LRCH1: variants seen among roughly 807,000 people sequenced by gnomAD.
LRCH1 encodes leucine-rich repeat and calponin homology domain-containing protein 1.
LRCH1 carries 23 observed loss-of-function variants against 94.9 expected under a neutral mutation model. The observed-to-expected ratio is 0.24, with a 90% CI of 0.17 to 0.34. The LOEUF (loss-of-function observed/expected upper bound fraction) is 0.34, where lower values mean the gene tolerates loss of function less well. Among genes scored for constraint, LRCH1 ranks in the 10% least tolerant of loss-of-function variants. LRCH1 has a pLI of 1.00. For synonymous variants in LRCH1, 364 were observed against 354.9 expected, an observed-to-expected ratio of 1.03 and a Z score of -0.29; for missense variants, 790 against 945.9, an observed-to-expected ratio of 0.84 and a Z score of 2.16.
At chr13:46,647,112 CA>C (rs61648661) in intron 1 of LRCH1, among the ~76,000 whole-genome samples, 16,835 of 84,378 alleles carry the variant, frequency 0.2, 807 homozygotes, top group Middle Eastern at 0.24. Flanking sequence ...GACTCCAACT[CA>C]AAAAAAAAAA....
chr13:46,625,908 C>T (rs924163610), intron 1 of LRCH1, among the ~76,000 whole-genome samples: 10 of 152,162 alleles, frequency 6.6e-5, no homozygotes, highest in African/African-American at 2.4e-4. Context: ...CCACCTCAGC[C>T]TCCCAAATTG....
intron 1 of LRCH1, among the ~76,000 whole-genome samples, chr13:46,562,932 G>T (rs1261120701): frequency 2.0e-5 from 3 of 152,110 alleles, no homozygotes; most frequent in African/African-American, 7.2e-5. Flanking sequence ...CGGCTCATCT[G>T]GACCCCTCCT....
intron 1 of LRCH1, among the ~76,000 whole-genome samples, chr13:46,631,023 C>T (rs1380088588): frequency 6.6e-6 from 1 of 152,176 alleles, no homozygotes; most frequent in East Asian, 1.9e-4. Flanking sequence ...ACCCTCCCCA[C>T]CCCTTCCTGT....
intron 1 of LRCH1, among the ~76,000 whole-genome samples, chr13:46,612,206 G>A (rs765507465): frequency 2.6e-5 from 4 of 152,128 alleles, no homozygotes; most frequent in African/African-American, 9.6e-5. Flanking sequence ...ATGTATCCCA[G>A]AACTTAAAAT....
intron 1 of LRCH1, among the ~76,000 whole-genome samples, chr13:46,643,821 T>C (rs938419842): frequency 5.3e-5 from 8 of 152,228 alleles, no homozygotes; most frequent in Non-Finnish European, 1.0e-4. Context: ...AAGGTTAATA[T>C]AATCAGCAAT....
chr13:46,653,168 G>T (rs1247440622), intron 2 of LRCH1, among the ~76,000 whole-genome samples: 2 of 152,176 alleles, frequency 1.3e-5, no homozygotes, highest in Admixed American at 6.5e-5. Context: ...GGAAGAGGCT[G>T]TTAAGCATCT....
chr13:46,585,564 A>AC (rs1458863569), intron 1 of LRCH1, among the ~76,000 whole-genome samples: 8 of 151,852 alleles, frequency 5.3e-5, no homozygotes, highest in African/African-American at 1.9e-4. Context: ...AAAAAAAAAA[A>AC]AAAAAAACAA....
At chr13:46,665,068 T>C (rs1208128786) in intron 2 of LRCH1, among the ~76,000 whole-genome samples, 2 of 152,218 alleles carry the variant, frequency 1.3e-5, no homozygotes, top group African/African-American at 4.8e-5. Flanking sequence ...TATAAATTAT[T>C]TTCTAAGTGA....
chr13:46,692,003 C>G (rs1870924061), intron 7 of LRCH1, among the ~76,000 whole-genome samples: 1 of 152,152 alleles, frequency 6.6e-6, no homozygotes, highest in Non-Finnish European at 1.5e-5. Flanking sequence ...CATGTACTTT[C>G]AAACAACCAG....
chr13:46,739,169 C>T (rs1319884490), intron 19 of LRCH1, among the ~76,000 whole-genome samples: 1 of 152,162 alleles, frequency 6.6e-6, no homozygotes, highest in Non-Finnish European at 1.5e-5. Flanking sequence ...CCCTGAACTG[C>T]TGGATCTGTC....
exon 19 of LRCH1, chr13:46,750,791 CT>C (rs375437624): frequency 1.5e-4 from 87 of 589,990 alleles, no homozygotes; most frequent in Non-Finnish European, 2.0e-4. Flanking sequence ...AATTTTCAGT[CT>C]AAGGGAGGAT....
rs767656518 is a variant in LRCH1, at chr13:46,705,400, AT to A, written c.1527+97del. 5 of 1,046,170 alleles carry A rather than the reference AT, an allele frequency of 4.8e-6. No individual in the cohort carries two copies. The African/African-American group carries it at 7.8e-5, about 16-fold the overall frequency. The allele number at this position is 1,046,170 out of a possible 1,614,324, so 64.8% of individuals were successfully genotyped here. On this transcript the variant is annotated intron_variant, in intron 13 of 19. Transcript: ENST00000389797. Reference sequence around the variant, plus strand: ...GTAAAGATTTGTCAGGGAGTGAAACATCTTTATTAATGAGGCCAATATTCAG... The same window carrying A: ...GTAAAGATTTGTCAGGGAGTGAAACACTTTATTAATGAGGCCAATATTCAG...
intron 16 of LRCH1, 47 bp from the exon 17 acceptor site, chr13:46,723,174 T>C (rs1401704749): frequency 9.8e-7 from 1 of 1,019,784 alleles, no homozygotes; most frequent in South Asian, 1.4e-5. Context: ...AATAGCCCTA[T>C]GTGACAAGGC....
intron 1 of LRCH1, among the ~76,000 whole-genome samples, chr13:46,635,545 A>C (rs959876999): frequency 6.0e-5 from 8 of 133,094 alleles, no homozygotes; most frequent in Middle Eastern, 5.3e-3. Flanking sequence ...ATCTCAGCTC[A>C]CTGCAAGCTC....
intron 7 of LRCH1, 72 bp from the exon 8 acceptor site, chr13:46,692,464 A>C: frequency 8.5e-6 from 9 of 1,057,448 alleles, no homozygotes; most frequent in Middle Eastern, 2.0e-4. Flanking sequence ...ATGTTGTTTT[A>C]TTACATAGCA....
rs560417067 is a variant in LRCH1, at chr13:46,575,031, A to G, written c.307+21328A>G. Among the ~76,000 whole-genome samples the G allele has an allele frequency of 5.3e-4, 80 of 152,172 alleles. 1 individual carries two copies. The highest frequency in any genetic ancestry group is 1.9e-3 in the African/African-American group (79 of 41,526). On this transcript the variant is annotated intron_variant, in intron 1 of 19. Transcript: ENST00000389797. ...GGAATAACAGTTTCCAATCCTTTTG[A>G]TCAATGGATAGTGGGATAAATGAAA...
At chr13:46,652,792 T>C (rs527757727) in intron 2 of LRCH1, among the ~76,000 whole-genome samples, 1 of 152,368 alleles carries the variant, frequency 6.6e-6, no homozygotes, top group Admixed American at 6.5e-5. Flanking sequence ...TATTTAACTT[T>C]GCATTGTTGT....
intron 7 of LRCH1, among the ~76,000 whole-genome samples, chr13:46,691,384 T>C (rs1283744672): frequency 6.6e-6 from 1 of 152,244 alleles, no homozygotes; most frequent in East Asian, 1.9e-4. Flanking sequence ...TTTTAACTAC[T>C]ACAGTTGTTT....
chr13:46,667,822 A>G (rs957887576), intron 2 of LRCH1, among the ~76,000 whole-genome samples: 9 of 152,262 alleles, frequency 5.9e-5, no homozygotes, highest in African/African-American at 9.6e-5. Context: ...ACATCAAAGT[A>G]TAATAATGGA....
Sources: gnomAD v4.1 joint callset for allele counts (sites outside exome capture counted in the v4.1 genomes callset) on GRCh38, gnomAD v4.1.1 for gene constraint, MANE v1.5 for transcripts, NCBI Gene and HGNC (gene_info 2026-07-23, HGNC 2026-07-21) for gene names.